The following PRKN variants were observed in gnomAD, a reference collection of about 807,000 sequenced individuals.
The protein encoded by PRKN is parkin RBR E3 ubiquitin protein ligase.
PRKN carries 56 observed loss-of-function variants against 59.5 expected under a neutral mutation model. The observed-to-expected ratio is 0.94, with a 90% CI of 0.76 to 1.18. The LOEUF is 1.18. Among genes scored for constraint, PRKN ranks in the 50% most tolerant of loss-of-function variants. The pLI is 0.00. For synonymous variants in PRKN, 250 were observed against 222.1 expected (o/e 1.13, Z -1.12); for missense variants, 657 against 596.4 (o/e 1.10, Z -1.06).
chr6:161,837,712 T>C (rs765078063), intron 6 of PRKN, among the ~76,000 whole-genome samples: 2 of 152,136 alleles, frequency 1.3e-5, no homozygotes, highest in Non-Finnish European at 2.9e-5. Flanking sequence ...GAGGGTAGAC[T>C]TAACAAAATG....
chr6:162,527,593 G>A (rs886528026), intron 1 of PRKN, among the ~76,000 whole-genome samples: 2 of 152,102 alleles, frequency 1.3e-5, no homozygotes. Flanking sequence ...CACGTATAAA[G>A]GTCAAACCAG....
Position 161,709,736 on chromosome 6 carries a change from C to T in PRKN, c.871+76036G>A, listed in dbSNP as rs954527049. On this transcript the variant is annotated intron_variant, in intron 7 of 11. Transcript: ENST00000366898. ...TTGCTGTCTCCATTAAATCTCAAAT[C>T]CCAAATAACCTCAGAGTTTCCATGT... Among the ~76,000 whole-genome samples, 3 of 152,196 alleles carry T rather than the reference C, an allele frequency of 2.0e-5. No homozygotes were observed. In the East Asian group the frequency reaches 5.8e-4, roughly 29 times the overall value.
At chr6:161,875,258 G>T (rs943941324) in intron 6 of PRKN, among the ~76,000 whole-genome samples, 1 of 149,692 alleles carries the variant, frequency 6.7e-6, no homozygotes, top group East Asian at 2.0e-4. Flanking sequence ...GGAGTGGCTT[G>T]ATCTCTGCTG....
At chr6:161,520,082 G>A (rs1487705736) in intron 9 of PRKN, among the ~76,000 whole-genome samples, 1 of 152,172 alleles carries the variant, frequency 6.6e-6, no homozygotes, top group African/African-American at 2.4e-5. Flanking sequence ...TGGTTTGCCT[G>A]TTCTTGCTGT....
chr6:162,149,629 G>A (rs1040452640), intron 4 of PRKN, among the ~76,000 whole-genome samples: 4 of 152,240 alleles, frequency 2.6e-5, no homozygotes, highest in African/African-American at 9.6e-5. Context: ...CAAAATGAAG[G>A]TCTTGAGGCC....
intron 6 of PRKN, among the ~76,000 whole-genome samples, chr6:161,929,680 C>T (rs1356200150): frequency 6.6e-6 from 1 of 151,870 alleles, no homozygotes; most frequent in Non-Finnish European, 1.5e-5. Context: ...CACGCCACCA[C>T]ACCTGGCTAA....
intron 2 of PRKN, among the ~76,000 whole-genome samples, chr6:162,293,845 A>AT (rs1266651151): frequency 3.9e-5 from 6 of 152,060 alleles, no homozygotes; most frequent in Non-Finnish European, 4.4e-5. Context: ...CACCCGGCTA[A>AT]TTTTTTGTAT....
intron 6 of PRKN, among the ~76,000 whole-genome samples, chr6:161,796,397 T>C (rs984342173): frequency 6.6e-6 from 1 of 152,220 alleles, no homozygotes; most frequent in Non-Finnish European, 1.5e-5. Context: ...AGTCCTGTTT[T>C]GTAGTAATTT....
At position 162,507,989 on chromosome 6, in the gene PRKN, C is replaced by T. The variant is rs559346610; in HGVS notation, c.8-64516G>A. On this transcript the variant is annotated intron_variant, in intron 1 of 11. Transcript: ENST00000366898. ...TATGATTAAGAAAGTATGAGACTTG[C>T]TATATTAGTCAATTTTCATGCTGCT... Among the ~76,000 whole-genome samples the T allele has an allele frequency of 9.2e-5, 14 of 152,216 alleles. No individual in the cohort carries two copies. In the South Asian group the frequency reaches 2.7e-3, roughly 29 times the overall value.
intron 1 of PRKN, among the ~76,000 whole-genome samples, chr6:162,699,699 C>A (rs117691004): frequency 0.012 from 1,875 of 152,150 alleles, 19 homozygotes; most frequent in Middle Eastern, 0.021. Flanking sequence ...GAAGACAATA[C>A]CCCAAAATAT....
At chr6:162,043,774 C>G (rs1188059553) in intron 5 of PRKN, among the ~76,000 whole-genome samples, 6 of 152,198 alleles carry the variant, frequency 3.9e-5, no homozygotes, top group Non-Finnish European at 8.8e-5. Context: ...AAGAAGGAAG[C>G]AGCAGGAAGA....
intron 1 of PRKN, 105 bp downstream of exon 1, chr6:162,727,557 A>AT: frequency 7.9e-7 from 1 of 1,264,012 alleles, no homozygotes; most frequent in Non-Finnish European, 1.1e-6. Flanking sequence ...TGGCCCCGTC[A>AT]TTGACAGTTG....
intron 7 of PRKN, among the ~76,000 whole-genome samples, chr6:161,681,312 A>G (rs2128172575): frequency 6.6e-6 from 1 of 152,350 alleles, no homozygotes; most frequent in South Asian, 2.1e-4. Flanking sequence ...AAAATGCAAA[A>G]GACGTATTTT....
chr6:161,831,122 G>A (rs1562323505), intron 6 of PRKN, among the ~76,000 whole-genome samples: 1 of 152,232 alleles, frequency 6.6e-6, no homozygotes. Flanking sequence ...CCATAAAGGG[G>A]ATTGAACTCA....
intron 6 of PRKN, among the ~76,000 whole-genome samples, chr6:161,900,169 G>A (rs1777834684): frequency 6.6e-6 from 1 of 150,940 alleles, no homozygotes; most frequent in Non-Finnish European, 1.5e-5. Context: ...AAATTTTAGT[G>A]AATTCAGAGG....
chr6:161,912,192 A>T (rs1007977428), intron 6 of PRKN, among the ~76,000 whole-genome samples: 3 of 151,706 alleles, frequency 2.0e-5, no homozygotes, highest in Admixed American at 2.0e-4. Context: ...AAAAAAAAAA[A>T]AGTTGGATGA....
At chr6:161,586,339 A>G (rs952056838) in intron 7 of PRKN, among the ~76,000 whole-genome samples, 2 of 152,168 alleles carry the variant, frequency 1.3e-5, no homozygotes, top group African/African-American at 2.4e-5. Flanking sequence ...TTTTGTCACT[A>G]TATTGCCATA....
intron 2 of PRKN, among the ~76,000 whole-genome samples, chr6:162,339,636 T>C (rs541154266): frequency 6.6e-6 from 1 of 151,542 alleles, no homozygotes; most frequent in East Asian, 2.0e-4. Flanking sequence ...GTCTGGGAGG[T>C]GTACCCAACA....
intron 6 of PRKN, among the ~76,000 whole-genome samples, chr6:161,967,878 T>G (rs1239727057): frequency 6.6e-6 from 1 of 152,144 alleles, no homozygotes; most frequent in Non-Finnish European, 1.5e-5. Context: ...AACCTACATT[T>G]TACATAAGAT....
Sources: allele counts gnomAD v4.1 joint callset (sites outside exome capture counted in the v4.1 genomes callset), GRCh38; gene constraint gnomAD v4.1.1; transcripts MANE v1.5; gene names NCBI Gene and HGNC (gene_info 2026-07-23, HGNC 2026-07-21).